The following ADGRL3 variants were observed in gnomAD, a reference collection of about 807,000 sequenced individuals.
ADGRL3 encodes the protein adhesion G protein-coupled receptor L3.
A neutral mutation model predicts 153.5 loss-of-function variants in ADGRL3; 62 were observed. That is an observed-to-expected ratio of 0.40 (90% CI 0.33 to 0.50). The LOEUF is 0.50. Ranked by LOEUF, ADGRL3 falls within the 20% of genes least tolerant of loss-of-function variation. ADGRL3 has a pLI of 0.47. For missense variants in ADGRL3, 1,641 were observed against 1,859.4 expected, an observed-to-expected ratio of 0.88 and a Z score of 2.16; for synonymous variants, 710 against 672.5, an observed-to-expected ratio of 1.06 and a Z score of -0.86.
chr4:62,018,617 A>G (rs1581909909), intron 21 of ADGRL3, among the ~76,000 whole-genome samples: 5 of 152,272 alleles, frequency 3.3e-5, no homozygotes, highest in Admixed American at 2.6e-4. Context: ...GAAGAACAAT[A>G]TAACTTTCTT....
chr4:61,412,284 T>A (rs748580635), intron 2 of ADGRL3, among the ~76,000 whole-genome samples: 3 of 152,096 alleles, frequency 2.0e-5, no homozygotes, highest in African/African-American at 7.2e-5. Context: ...GACAGGGTCT[T>A]GTTTTGTTGC....
chr4:61,487,126 C>G (rs2098204191), intron 2 of ADGRL3, among the ~76,000 whole-genome samples: 1 of 152,196 alleles, frequency 6.6e-6, no homozygotes, highest in Non-Finnish European at 1.5e-5. Context: ...CTCACATAAG[C>G]TCCTTTACAT....
At chr4:61,364,432 G>T (rs1406735760) in intron 1 of ADGRL3, among the ~76,000 whole-genome samples, 1 of 151,776 alleles carries the variant, frequency 6.6e-6, no homozygotes, top group Non-Finnish European at 1.5e-5. Flanking sequence ...TGGTATCACT[G>T]TATTGAGGAT....
At chr4:61,548,932 T>C (rs1462854841) in intron 4 of ADGRL3, among the ~76,000 whole-genome samples, 1 of 152,080 alleles carries the variant, frequency 6.6e-6, no homozygotes, top group Non-Finnish European at 1.5e-5. Context: ...TTGGGCAATA[T>C]GGGTGTTTTA....
chr4:61,493,907 G>A (rs1401402472), intron 2 of ADGRL3, among the ~76,000 whole-genome samples: 2 of 152,106 alleles, frequency 1.3e-5, no homozygotes, highest in East Asian at 3.8e-4. Context: ...CACATAACAT[G>A]TCTGATTTTC....
rs559727080 is a variant in ADGRL3, at chr4:61,584,705, T to C, written c.260-2522T>C. ...AAAAGTTAAGAAACAATTTGTCTCT[T>C]GATAAATGTATAAAAGTTTACACTA... is the stretch of plus-strand genomic sequence containing the variant. On this transcript the variant is annotated intron_variant, in intron 4 of 26. Coordinates refer to ENST00000683033, the MANE Select transcript of ADGRL3 (RefSeq NM_001387552.1). Among the ~76,000 whole-genome samples, 14 of 152,096 alleles carry C rather than the reference T, an allele frequency of 9.2e-5. 1 individual carries two copies. Among genetic ancestry groups the C allele is most frequent in the African/African-American group, 3.1e-4 (13 of 41,572 alleles).
At chr4:61,490,845 G>A (rs921154263) in intron 2 of ADGRL3, among the ~76,000 whole-genome samples, 26 of 152,066 alleles carry the variant, frequency 1.7e-4, no homozygotes, top group Non-Finnish European at 4.4e-5. Flanking sequence ...GTATTCACAT[G>A]CACTCTGTAA....
At chr4:61,696,564 C>G (rs2095645843) in intron 6 of ADGRL3, among the ~76,000 whole-genome samples, 1 of 151,488 alleles carries the variant, frequency 6.6e-6, no homozygotes, top group East Asian at 1.9e-4. Flanking sequence ...AAAATTCTAC[C>G]TACCACAAAA....
intron 2 of ADGRL3, among the ~76,000 whole-genome samples, chr4:61,437,042 A>G (rs1296687585): frequency 6.6e-6 from 1 of 152,206 alleles, no homozygotes; most frequent in African/African-American, 2.4e-5. Flanking sequence ...TCTAAAGTTC[A>G]TAAATAATAC....
Position 61,779,670 on chromosome 4 carries a change from T to G in ADGRL3, c.1400-34139T>G, listed in dbSNP as rs561761701. On this transcript the variant is annotated intron_variant, in intron 8 of 26. Transcript: ENST00000683033. ...AAAAAAAAAAAAAAAAGGGAGAGAA[T>G]TATTGTGTATTCCATAGCTACTACT... Among the ~76,000 whole-genome samples, 7 of 146,902 alleles carry G rather than the reference T, an allele frequency of 4.8e-5. No individual in the cohort carries two copies. The South Asian group carries it at 1.5e-3, about 32-fold the overall frequency.
chr4:61,218,642 G>A (rs376956393), intron 1 of ADGRL3, among the ~76,000 whole-genome samples: 4 of 152,206 alleles, frequency 2.6e-5, no homozygotes, highest in Non-Finnish European at 4.4e-5. Flanking sequence ...CTTCTCATGC[G>A]ACACAGTTAA....
intron 5 of ADGRL3, among the ~76,000 whole-genome samples, chr4:61,588,782 G>A (rs1377839164): frequency 6.6e-6 from 1 of 151,974 alleles, no homozygotes; most frequent in Non-Finnish European, 1.5e-5. Context: ...TGTAGGTATT[G>A]TAATGGTGTT....
intron 1 of ADGRL3, among the ~76,000 whole-genome samples, chr4:61,324,049 A>G (rs2095418093): frequency 6.6e-6 from 1 of 152,190 alleles, no homozygotes; most frequent in Admixed American, 6.5e-5. Context: ...CAGCAGGCAA[A>G]GAGAGAGATT....
chr4:62,002,132 C>G (rs570352902), intron 21 of ADGRL3, among the ~76,000 whole-genome samples: 10 of 151,744 alleles, frequency 6.6e-5, no homozygotes, highest in African/African-American at 2.4e-4. Context: ...CCTTCACTGG[C>G]TAGAGAGATC....
intron 13 of ADGRL3, among the ~76,000 whole-genome samples, chr4:61,931,271 A>G (rs933050867): frequency 5.3e-5 from 8 of 152,320 alleles, no homozygotes; most frequent in African/African-American, 1.9e-4. Flanking sequence ...TGAAGATTGC[A>G]TTACCGAAGA....
intron 21 of ADGRL3, among the ~76,000 whole-genome samples, chr4:62,001,815 G>T (rs1474109794): frequency 1.3e-5 from 2 of 151,958 alleles, no homozygotes; most frequent in Non-Finnish European, 2.9e-5. Context: ...ATGTTTACTT[G>T]TATTTTTCAA....
intron 8 of ADGRL3, among the ~76,000 whole-genome samples, chr4:61,767,064 G>A (rs932180031): frequency 1.3e-5 from 2 of 151,828 alleles, no homozygotes; most frequent in Admixed American, 6.6e-5. Context: ...GTGGGGTAAG[G>A]GTGATTAGGT....
intron 1 of ADGRL3, among the ~76,000 whole-genome samples, chr4:61,382,777 T>C (rs1020956429): frequency 1.3e-5 from 2 of 151,856 alleles, no homozygotes; most frequent in Admixed American, 1.3e-4. Flanking sequence ...CCCAGTATCT[T>C]AGCTTGAAGA....
rs139427318 is a variant in ADGRL3 at position 61,463,019 on chromosome 4, G to A, written c.-173-34102G>A. On this transcript the variant is annotated intron_variant, in intron 2 of 26. Transcript: ENST00000683033. ...TTACAGATCTAACAGTCTTCTAAAG[G>A]TGAAATAGGTTAAAAGTAAAGTGAA... 7.4e-3 allele frequency among the ~76,000 whole-genome samples: 1,125 copies of A among 152,230 alleles called. 13 individuals carry two copies. Among genetic ancestry groups the A allele is most frequent in the African/African-American group, 0.025 (1,033 of 41,536 alleles).
Sources: allele counts gnomAD v4.1 joint callset (sites outside exome capture counted in the v4.1 genomes callset), GRCh38; gene constraint gnomAD v4.1.1; transcripts MANE v1.5; gene names NCBI Gene and HGNC (gene_info 2026-07-23, HGNC 2026-07-21).